The following OLFML1 variants were observed in gnomAD, a reference collection of about 807,000 sequenced individuals.
The protein encoded by OLFML1 is olfactomedin like 1.
Under a neutral mutation model 37.3 loss-of-function variants are expected in OLFML1, and 33 were observed. The ratio of observed to expected loss-of-function variants is 0.88; its 90% CI spans 0.67 to 1.18. OLFML1 has a LOEUF of 1.18. Ranked by LOEUF, OLFML1 falls within the 50% of genes most tolerant of loss-of-function variation. The probability of loss-of-function intolerance (pLI) is 0.00; values close to 1 mark genes in which losing one functional copy is unlikely to be tolerated. For synonymous variants in OLFML1, 186 were observed against 181.3 expected (o/e 1.03, Z -0.21); for missense variants, 545 against 483.7 (o/e 1.13, Z -1.19).
intron 1 of OLFML1, among the ~76,000 whole-genome samples, chr11:7,486,985 C>T (rs1214319435): frequency 2.0e-5 from 3 of 152,196 alleles, no homozygotes; most frequent in Non-Finnish European, 4.4e-5. Context: ...CTTGCTCCCT[C>T]CTGAGCCTCA....
At chr11:7,495,339 C>T (rs530954305) in intron 2 of OLFML1, among the ~76,000 whole-genome samples, 26 of 151,836 alleles carry the variant, frequency 1.7e-4, no homozygotes, top group African/African-American at 6.3e-4. Context: ...AAGCAACCCC[C>T]CCAAAAATAA....
chr11:7,493,757 G>A (rs1246850046), intron 2 of OLFML1, among the ~76,000 whole-genome samples: 1 of 152,266 alleles, frequency 6.6e-6, no homozygotes, highest in African/African-American at 2.4e-5. Context: ...GATTCTCACA[G>A]AGGGTTAACT....
chr11:7,492,184 G>A (rs1848606438), intron 2 of OLFML1, among the ~76,000 whole-genome samples: 1 of 151,920 alleles, frequency 6.6e-6, no homozygotes, highest in African/African-American at 2.4e-5. Context: ...GGCTCAGCTG[G>A]TGCTACTAAT....
In OLFML1 at chr11:7,509,968, T is replaced by G. The variant is rs764894077; in HGVS notation, c.989T>G (p.Val330Gly). The part of the protein sequence containing the change: ...SFLLCGVLYV[V>G]YSTGGQGPHR... ...CTCTTGTGTGGGGTTCTCTATGTGG[T>G]CTACAGTACTGGGGGCCAGGGCCCT... Residue 330 changes from valine (V) to glycine (G), a missense_variant, in exon 3 of 3, where the codon GTC becomes GGC. Transcript: ENST00000329293. 6.2e-7 allele frequency: 1 copy of G among 1,614,216 alleles called. No homozygotes were observed. Among genetic ancestry groups the G allele is most frequent in the Admixed American group, 1.7e-5 (1 of 60,028 alleles).
intron 2 of OLFML1, 79 bp downstream of exon 2, chr11:7,488,494 G>A: frequency 8.8e-7 from 1 of 1,137,564 alleles, no homozygotes; most frequent in Non-Finnish European, 1.2e-6. Flanking sequence ...CAGTCAGGGA[G>A]CATCATAGAG....
chr11:7,495,634 G>C (rs1009075275), intron 2 of OLFML1, among the ~76,000 whole-genome samples: 3 of 152,054 alleles, frequency 2.0e-5, no homozygotes, highest in Admixed American at 1.3e-4. Context: ...ATGCATGCCT[G>C]AGTCATTTAT....
intron 2 of OLFML1, among the ~76,000 whole-genome samples, chr11:7,502,056 A>T (rs1848730729): frequency 6.6e-6 from 1 of 152,388 alleles, no homozygotes; most frequent in South Asian, 2.1e-4. Flanking sequence ...GGGTGGACAT[A>T]TTTACATAGT....
chr11:7,507,277 G>A (rs989813316), intron 2 of OLFML1, among the ~76,000 whole-genome samples: 6 of 151,836 alleles, frequency 4.0e-5, no homozygotes, highest in African/African-American at 1.2e-4. Context: ...TTGGATTAAA[G>A]AAATATTCTA....
intron 1 of OLFML1, 87 bp downstream of exon 1, chr11:7,486,091 T>C (rs1334523978): frequency 1.5e-6 from 2 of 1,315,386 alleles, no homozygotes; most frequent in Non-Finnish European, 2.1e-6. Context: ...TACTGGGTTG[T>C]ATTTTTCCCA....
intron 1 of OLFML1, 22 bp from the exon 2 acceptor site, chr11:7,488,105 C>T: frequency 1.3e-6 from 2 of 1,569,720 alleles, no homozygotes; most frequent in Admixed American, 3.6e-5. Context: ...CAATAATTTG[C>T]AAATTTATTT....
intron 2 of OLFML1, among the ~76,000 whole-genome samples, chr11:7,495,378 C>A (rs1219841990): frequency 6.6e-6 from 1 of 152,134 alleles, no homozygotes; most frequent in African/African-American, 2.4e-5. Context: ...TACAACCTGA[C>A]CCCCGCCAGC....
intron 2 of OLFML1, among the ~76,000 whole-genome samples, chr11:7,503,624 T>C (rs1322430065): frequency 6.6e-6 from 1 of 152,212 alleles, no homozygotes; most frequent in Non-Finnish European, 1.5e-5. Flanking sequence ...CAAGGAGTTT[T>C]AATATAAAGT....
intron 2 of OLFML1, among the ~76,000 whole-genome samples, chr11:7,492,722 T>C (rs1234831982): frequency 6.6e-6 from 1 of 152,158 alleles, no homozygotes; most frequent in African/African-American, 2.4e-5. Flanking sequence ...CTTAACTCTG[T>C]CTCTCCCACT....
chr11:7,494,503 T>C (rs1362370923), intron 2 of OLFML1, among the ~76,000 whole-genome samples: 1 of 152,246 alleles, frequency 6.6e-6, no homozygotes, highest in East Asian at 1.9e-4. Flanking sequence ...ACTGAAAGGA[T>C]AGGTTATTTG....
At chr11:7,509,262 C>T (rs1015653959) in intron 2 of OLFML1, 136 bp from the exon 3 acceptor site, 39 of 649,780 alleles carry the variant, frequency 6.0e-5, no homozygotes, top group Non-Finnish European at 8.0e-5. Context: ...ACGGTCATGT[C>T]ACAGTAGAAC....
At chr11:7,497,213 C>T (rs1445741474) in intron 2 of OLFML1, among the ~76,000 whole-genome samples, 1 of 151,962 alleles carries the variant, frequency 6.6e-6, no homozygotes, top group African/African-American at 2.4e-5. Context: ...TTACCATGTA[C>T]ATAATTAAAA....
chr11:7,505,494 A>G (rs1848774822), intron 2 of OLFML1, among the ~76,000 whole-genome samples: 1 of 151,948 alleles, frequency 6.6e-6, no homozygotes, highest in Admixed American at 6.5e-5. Context: ...CCATGACACT[A>G]CTCATCTCAC....
intron 2 of OLFML1, chr11:7,488,708 G>A (rs1219709211): frequency 5.3e-6 from 1 of 188,608 alleles, no homozygotes; most frequent in Non-Finnish European, 1.1e-5. Context: ...TCTTGGTTTG[G>A]TGGAGATGTG....
intron 2 of OLFML1, among the ~76,000 whole-genome samples, chr11:7,497,210 G>A (rs1848673481): frequency 6.6e-6 from 1 of 152,062 alleles, no homozygotes; most frequent in African/African-American, 2.4e-5. Context: ...TATTTACCAT[G>A]TACATAATTA....
Sources: allele counts gnomAD v4.1 joint callset (sites outside exome capture counted in the v4.1 genomes callset), GRCh38; gene constraint gnomAD v4.1.1; transcripts MANE v1.5; gene names NCBI Gene and HGNC (gene_info 2026-07-23, HGNC 2026-07-21).